RALGAPB: variants seen among roughly 807,000 people sequenced by gnomAD.
RALGAPB encodes the protein Ral GTPase activating protein non-catalytic subunit beta, also known as ral GTPase-activating protein subunit beta.
In RALGAPB, 25 loss-of-function variants were observed where a neutral mutation model predicts 161.1. The observed-to-expected ratio is 0.16, with a 90% confidence interval of 0.11 to 0.22. The LOEUF (loss-of-function observed/expected upper bound fraction) is 0.22, where lower values mean the gene tolerates loss of function less well. Ranked by LOEUF, RALGAPB falls within the 10% of genes least tolerant of loss-of-function variation. The pLI is 1.00. For missense variants in RALGAPB, 1,391 were observed against 1,815.2 expected (o/e 0.77, Z 4.25); for synonymous variants, 629 against 626.1 (o/e 1.00, Z -0.07).
At chr20:38,477,688 C>T (rs1479885511) in intron 1 of RALGAPB, among the ~76,000 whole-genome samples, 1 of 152,134 alleles carries the variant, frequency 6.6e-6, no homozygotes, top group Non-Finnish European at 1.5e-5. Context: ...GAGAAATAGG[C>T]ATGTCTTATA....
At chr20:38,497,197 T>G (rs143598012) in intron 3 of RALGAPB, among the ~76,000 whole-genome samples, 156 bp from the exon 4 acceptor site, 233 of 152,324 alleles carry the variant, frequency 1.5e-3, no homozygotes, top group African/African-American at 5.4e-3. Context: ...GAGTAAGAAG[T>G]AGCTTTAAAC....
In RALGAPB at chr20:38,574,807, G is replaced by A; in HGVS notation, c.4325G>A (p.Cys1442Tyr). The A allele has an allele frequency of 6.2e-7, 1 of 1,614,044 alleles. No homozygotes were observed. Among genetic ancestry groups the A allele is most frequent in the Non-Finnish European group, 8.5e-7 (1 of 1,179,908 alleles). Residue 1442 changes from cysteine (C) to tyrosine (Y), a missense_variant, in exon 30 of 30, where the codon TGT becomes TAT. Around this residue, in one of 3 missense-constraint regions of RALGAPB, gnomAD observed 436 missense variants for 527.0 expected, o/e 0.83. Transcript: ENST00000262879. ...FLVRQTVINI[C>Y]RRKRLESDSY... ...GTGAGGCAGACTGTAATTAACATTT[G>A]TAGAAGAAAGAGACTGGAAAGTGAC...
In RALGAPB at chr20:38,575,576, A is replaced by G. The variant is rs1284397593; in HGVS notation, c.*609A>G. ...TCATATTTTTTTCTCCACATTTCAA[A>G]AAGTTGTCCTTCTCATCACTGCACA... On this transcript the variant is annotated 3_prime_UTR_variant, in exon 30 of 30. Transcript: ENST00000262879. 6.5e-6 allele frequency: 1 copy of G among 154,016 alleles called. No individual in the cohort carries two copies. The highest frequency in any genetic ancestry group is 1.4e-5 in the Non-Finnish European group (1 of 69,196). 9.5% of individuals were successfully genotyped at this position (154,016 alleles called of 1,614,324 possible). A position where few individuals can be genotyped will look rare whatever the true frequency, so the allele number is the denominator to read the frequency against.
intron 20 of RALGAPB, among the ~76,000 whole-genome samples, chr20:38,550,065 A>G (rs1023879311): frequency 1.3e-5 from 2 of 152,142 alleles, no homozygotes; most frequent in African/African-American, 2.4e-5. Flanking sequence ...AACACCGCAT[A>G]TTCTCACTCA....
intron 6 of RALGAPB, among the ~76,000 whole-genome samples, chr20:38,512,055 T>C (rs1197572375): frequency 1.3e-5 from 2 of 152,230 alleles, no homozygotes; most frequent in African/African-American, 2.4e-5. Context: ...TTGAAATGTT[T>C]TACAGTTTTC....
intron 2 of RALGAPB, among the ~76,000 whole-genome samples, chr20:38,492,131 AT>A (rs1359201385): frequency 6.6e-6 from 1 of 152,184 alleles, no homozygotes; most frequent in Non-Finnish European, 1.5e-5. Context: ...TGCCAAAGTC[AT>A]TTTGGAAAAA....
intron 17 of RALGAPB, among the ~76,000 whole-genome samples, chr20:38,540,331 A>G (rs570447149): frequency 3.9e-5 from 6 of 152,348 alleles, no homozygotes; most frequent in Admixed American, 3.9e-4. Context: ...AGCACAGCTC[A>G]TCTATAAAGG....
Position 38,542,790 on chromosome 20 carries a change from G to T in RALGAPB, c.2714+1598G>T, listed in dbSNP as rs562475065. Among the ~76,000 whole-genome samples the T allele has an allele frequency of 2.0e-5, 3 of 151,942 alleles. No homozygotes were observed. The South Asian group carries it at 6.3e-4, about 32-fold the overall frequency. On this transcript the variant is annotated intron_variant, in intron 18 of 29. Coordinates refer to ENST00000262879, the MANE Select transcript of RALGAPB (RefSeq NM_020336.4). ...CTCAGGAGGCTGAGGCAGGAGAATCGCTTGAACCCAGGACACGGAGGTTGC... is the reference window on the plus strand; with the variant it reads ...CTCAGGAGGCTGAGGCAGGAGAATCTCTTGAACCCAGGACACGGAGGTTGC...
chr20:38,492,831 A>G (rs2085317404), intron 2 of RALGAPB, 99 bp from the exon 3 acceptor site: 2 of 951,426 alleles, frequency 2.1e-6, no homozygotes, highest in South Asian at 3.2e-5. Flanking sequence ...TATACTGTCA[A>G]TTTAGAGGTT....
At chr20:38,479,567 A>C (rs2084905306) in intron 1 of RALGAPB, among the ~76,000 whole-genome samples, 1 of 152,246 alleles carries the variant, frequency 6.6e-6, no homozygotes, top group Admixed American at 6.5e-5. Flanking sequence ...GAGAATACCT[A>C]GAAAATGAGT....
chr20:38,577,422 G>A lies in RALGAPB; in HGVS notation c.*2455G>A, dbSNP rs1297375242. 1 of 152,184 alleles carries A rather than the reference G, an allele frequency of 6.6e-6. No homozygotes were observed. The highest frequency in any genetic ancestry group is 1.5e-5 in the Non-Finnish European group (1 of 68,068). 9.4% of individuals were successfully genotyped at this position (152,184 alleles called of 1,614,324 possible). ...GAAACCAGGACCACTTTTGTCTGTG[G>A]CTTAAACAGTTCAGTTGCTATATCT... On this transcript the variant is annotated 3_prime_UTR_variant, in exon 30 of 30. Transcript: ENST00000262879.
chr20:38,510,131 T>TACACACACACACAC (rs34759480), intron 6 of RALGAPB, among the ~76,000 whole-genome samples: 3 of 146,278 alleles, frequency 2.1e-5, no homozygotes, highest in East Asian at 2.0e-4. Context: ...CACACGCACA[T>TACACACACACACAC]ACACACACAC....
intron 9 of RALGAPB, among the ~76,000 whole-genome samples, chr20:38,519,944 A>G (rs1411819672): frequency 1.3e-5 from 2 of 152,158 alleles, no homozygotes; most frequent in African/African-American, 4.8e-5. Flanking sequence ...TTGAGCTGGG[A>G]AGGGTTAATG....
chr20:38,480,532 G>A (rs780220945), intron 1 of RALGAPB, among the ~76,000 whole-genome samples: 5 of 150,716 alleles, frequency 3.3e-5, no homozygotes, highest in Non-Finnish European at 7.4e-5. Flanking sequence ...GATTACAGGC[G>A]CACGCCACCA....
At chr20:38,572,005 A>G (rs1601094210) in intron 28 of RALGAPB, among the ~76,000 whole-genome samples, 2 of 152,116 alleles carry the variant, frequency 1.3e-5, no homozygotes, top group Non-Finnish European at 2.9e-5. Flanking sequence ...ATTAATTGCT[A>G]TTTTACATTT....
At chr20:38,484,554 G>A (rs549463980) in intron 1 of RALGAPB, among the ~76,000 whole-genome samples, 1 of 151,836 alleles carries the variant, frequency 6.6e-6, no homozygotes, top group Non-Finnish European at 1.5e-5. Flanking sequence ...TTTTGTTTTT[G>A]TTTTATTTTG....
At chr20:38,485,162 C>T (rs1457916712) in intron 1 of RALGAPB, among the ~76,000 whole-genome samples, 1 of 152,154 alleles carries the variant, frequency 6.6e-6, no homozygotes, top group African/African-American at 2.4e-5. Flanking sequence ...TTTTTAGGCT[C>T]AGACAATGGT....
intron 13 of RALGAPB, among the ~76,000 whole-genome samples, chr20:38,527,643 A>G (rs1031285362): frequency 3.9e-5 from 6 of 152,186 alleles, no homozygotes; most frequent in African/African-American, 1.2e-4. Context: ...ATAATATCTC[A>G]GATACATTCT....
intron 17 of RALGAPB, 117 bp from the exon 18 acceptor site, chr20:38,540,924 C>T (rs1485396636): frequency 9.4e-7 from 1 of 1,066,080 alleles, no homozygotes; most frequent in African/African-American, 1.6e-5. Flanking sequence ...AAAGAAATTA[C>T]CAAGAAACTG....
Sources: allele counts gnomAD v4.1 joint callset (sites outside exome capture counted in the v4.1 genomes callset), GRCh38; gene constraint gnomAD v4.1.1; regional missense constraint gnomAD v4.1.1; transcripts MANE v1.5; gene names NCBI Gene and HGNC (gene_info 2026-07-23, HGNC 2026-07-21).